ADAMTSL1: variants seen among roughly 807,000 people sequenced by gnomAD.
The protein encoded by ADAMTSL1 is ADAMTS like 1.
A neutral mutation model predicts 201.8 loss-of-function variants in ADAMTSL1; 126 were observed. That is an observed-to-expected ratio of 0.62 (90% CI 0.54 to 0.72). ADAMTSL1 has a LOEUF of 0.72. Ranked by LOEUF, ADAMTSL1 falls within the 30% of genes least tolerant of loss-of-function variation. The pLI is 0.00. For synonymous variants in ADAMTSL1, 1,121 were observed against 903.4 expected (o/e 1.24, Z -4.32); for missense variants, 2,679 against 2,277.8 (o/e 1.18, Z -3.59).
intron 1 of ADAMTSL1, among the ~76,000 whole-genome samples, chr9:18,162,418 T>C (rs1195990575): frequency 6.6e-6 from 1 of 152,046 alleles, no homozygotes; most frequent in African/African-American, 2.4e-5. Flanking sequence ...AAAGTCCTTT[T>C]GGCCAGGTAA....
At chr9:18,399,020 C>G (rs1438115496) in intron 2 of ADAMTSL1, among the ~76,000 whole-genome samples, 2 of 151,644 alleles carry the variant, frequency 1.3e-5, no homozygotes, top group African/African-American at 4.8e-5. Flanking sequence ...TTCAGTTCAA[C>G]AAACACATAC....
At chr9:18,717,847 A>C (rs577586845) in intron 14 of ADAMTSL1, 1 of 719,022 alleles carries the variant, frequency 1.4e-6, no homozygotes, top group East Asian at 2.5e-5. Context: ...ATATGCTCTT[A>C]AAGGGTACCA....
intron 1 of ADAMTSL1, among the ~76,000 whole-genome samples, chr9:18,131,589 C>T (rs905545928): frequency 6.6e-6 from 1 of 152,184 alleles, no homozygotes; most frequent in Non-Finnish European, 1.5e-5. Context: ...CATTTTCTCT[C>T]CTAGTCTTCC....
At chr9:18,442,234 G>A (rs1820024832) in intron 2 of ADAMTSL1, among the ~76,000 whole-genome samples, 1 of 152,200 alleles carries the variant, frequency 6.6e-6, no homozygotes. Context: ...AAGTAACTTA[G>A]GATGTGTGAT....
At chr9:18,111,177 A>C (rs1434126042) in intron 1 of ADAMTSL1, among the ~76,000 whole-genome samples, 1 of 152,176 alleles carries the variant, frequency 6.6e-6, no homozygotes, top group Non-Finnish European at 1.5e-5. Flanking sequence ...GTCAGGGCTA[A>C]GTTCTCCTAA....
intron 2 of ADAMTSL1, among the ~76,000 whole-genome samples, chr9:18,332,504 A>G (rs1835073012): frequency 6.6e-6 from 1 of 152,108 alleles, no homozygotes; most frequent in Non-Finnish European, 1.5e-5. Flanking sequence ...AGGCTGGAAT[A>G]TAGTGTTACA....
intron 1 of ADAMTSL1, among the ~76,000 whole-genome samples, chr9:18,012,352 C>G (rs899649125): frequency 6.6e-6 from 1 of 152,016 alleles, no homozygotes; most frequent in Non-Finnish European, 1.5e-5. Context: ...ATCTGGAGAA[C>G]TTGGAATGAG....
chr9:18,728,790 A>G (rs1196601749), intron 15 of ADAMTSL1, among the ~76,000 whole-genome samples: 1 of 152,212 alleles, frequency 6.6e-6, no homozygotes, highest in East Asian at 1.9e-4. Context: ...AGTGTTAGAG[A>G]GTGGACGGAG....
At chr9:18,330,593 C>G (rs1297477017) in intron 2 of ADAMTSL1, among the ~76,000 whole-genome samples, 4 of 152,118 alleles carry the variant, frequency 2.6e-5, no homozygotes, top group Non-Finnish European at 4.4e-5. Flanking sequence ...GGTGTTTTAT[C>G]TCAAGTGTTC....
At position 18,680,558 on chromosome 9, in the gene ADAMTSL1, C is replaced by T. The variant is rs757909750; in HGVS notation, c.1341+42C>T. The T allele has an allele frequency of 3.1e-6, 5 of 1,600,612 alleles. No individual in the cohort carries two copies. In the East Asian group the frequency reaches 8.9e-5, roughly 29 times the overall value. Reference sequence around the variant, plus strand: ...TCTTTGTTCATTAGGAGAGTAAGTCCACTCTTCCCTCTCATCATCATGGCC... The same window carrying T: ...TCTTTGTTCATTAGGAGAGTAAGTCTACTCTTCCCTCTCATCATCATGGCC... On this transcript the variant is annotated intron_variant, in intron 11 of 28. Coordinates refer to ENST00000380548, the MANE Select transcript of ADAMTSL1 (RefSeq NM_001040272.6).
intron 2 of ADAMTSL1, among the ~76,000 whole-genome samples, chr9:18,216,248 C>A (rs1335953559): frequency 1.3e-5 from 2 of 152,186 alleles, no homozygotes; most frequent in African/African-American, 4.8e-5. Flanking sequence ...ACACCCCCAC[C>A]TGTGGGTGTG....
chr9:18,805,896 G>C (rs1823083941), intron 20 of ADAMTSL1, among the ~76,000 whole-genome samples: 1 of 152,146 alleles, frequency 6.6e-6, no homozygotes, highest in Non-Finnish European at 1.5e-5. Context: ...CCAGCCTGCG[G>C]TCCTTGTGTC....
intron 2 of ADAMTSL1, among the ~76,000 whole-genome samples, chr9:18,225,424 A>G (rs1397351591): frequency 4.6e-5 from 7 of 152,206 alleles, no homozygotes; most frequent in Non-Finnish European, 1.0e-4. Flanking sequence ...AAATTTCTCC[A>G]TAGTGGATTT....
chr9:18,812,410 C>A (rs1823559856), intron 20 of ADAMTSL1, among the ~76,000 whole-genome samples: 1 of 152,096 alleles, frequency 6.6e-6, no homozygotes. Flanking sequence ...CTAAATGTGA[C>A]CTCTCACATC....
chr9:17,912,313 G>C (rs1253231399), intron 1 of ADAMTSL1, among the ~76,000 whole-genome samples: 2 of 63,810 alleles, frequency 3.1e-5, no homozygotes, highest in Non-Finnish European at 4.8e-5. Context: ...CAGTGTAAAA[G>C]TGTTCCTATT....
At chr9:18,644,188 A>G (rs982784338) in intron 7 of ADAMTSL1, among the ~76,000 whole-genome samples, 3 of 151,874 alleles carry the variant, frequency 2.0e-5, no homozygotes, top group Non-Finnish European at 2.9e-5. Context: ...ATATTAGTGT[A>G]TAGAAATGCT....
chr9:17,913,957 C>G (rs1184661955), intron 1 of ADAMTSL1, among the ~76,000 whole-genome samples: 2 of 152,158 alleles, frequency 1.3e-5, no homozygotes, highest in Non-Finnish European at 2.9e-5. Context: ...TACACCCTCC[C>G]AAGACTAAAC....
At chr9:18,542,636 C>G (rs1587510322) in intron 3 of ADAMTSL1, among the ~76,000 whole-genome samples, 1 of 152,212 alleles carries the variant, frequency 6.6e-6, no homozygotes, top group East Asian at 1.9e-4. Flanking sequence ...TCAGTAGAAA[C>G]CAACCTTGCA....
intron 4 of ADAMTSL1, among the ~76,000 whole-genome samples, chr9:18,606,372 G>A (rs1288241797): frequency 6.6e-6 from 1 of 152,138 alleles, no homozygotes; most frequent in Non-Finnish European, 1.5e-5. Flanking sequence ...TTAGCTTGGT[G>A]CTGAGAAATA....
Sources: allele counts gnomAD v4.1 joint callset (sites outside exome capture counted in the v4.1 genomes callset), GRCh38; gene constraint gnomAD v4.1.1; transcripts MANE v1.5; gene names NCBI Gene and HGNC (gene_info 2026-07-23, HGNC 2026-07-21).